RALYL: variants seen among roughly 807,000 people sequenced by gnomAD.
The protein encoded by RALYL is RALY RNA binding protein like, also known as RNA-binding Raly-like protein.
A neutral mutation model predicts 35.1 loss-of-function variants in RALYL; 29 were observed. The observed-to-expected ratio is 0.83, with a 90% CI of 0.61 to 1.13. RALYL has a LOEUF of 1.13. Among genes scored for constraint, RALYL ranks in the 50% most tolerant of loss-of-function variants. RALYL has a pLI of 0.00. For missense variants in RALYL, 359 were observed against 360.4 expected (o/e 1.00, Z 0.03); for synonymous variants, 120 against 127.6 (o/e 0.94, Z 0.40).
At chr8:84,490,693 A>AT (rs1320860911) in intron 1 of RALYL, among the ~76,000 whole-genome samples, 1 of 150,736 alleles carries the variant, frequency 6.6e-6, no homozygotes, top group Non-Finnish European at 1.5e-5. Context: ...AGATGTGGGT[A>AT]TTTTTTTATA....
chr8:84,893,597 C>A (rs559659867), intron 8 of RALYL, among the ~76,000 whole-genome samples: 19 of 152,214 alleles, frequency 1.2e-4, no homozygotes, highest in African/African-American at 4.1e-4. Context: ...TGTTATGGAG[C>A]CTTAGGCTAA....
At chr8:84,201,618 T>C (rs1160585857) in intron 1 of RALYL, among the ~76,000 whole-genome samples, 1 of 151,936 alleles carries the variant, frequency 6.6e-6, no homozygotes, top group East Asian at 1.9e-4. Flanking sequence ...TGGAGTGCAG[T>C]GTGGCATGAT....
chr8:84,603,561 C>T lies in RALYL; in HGVS notation c.256+73984C>T, dbSNP rs149620259. Reference sequence around the variant, plus strand: ...ATTTCACTTGGCTTCACAGTCACACCGTGAGGCTTACCTCCTGCCCACTGT... The same window carrying T: ...ATTTCACTTGGCTTCACAGTCACACTGTGAGGCTTACCTCCTGCCCACTGT... On this transcript the variant is annotated intron_variant, in intron 2 of 8. Transcript: ENST00000521268. 1.1e-4 allele frequency among the ~76,000 whole-genome samples: 16 copies of T among 152,086 alleles called. No homozygotes were observed. The South Asian group carries it at 1.9e-3, about 18-fold the overall frequency.
At chr8:84,533,128 C>T (rs2059379056) in intron 2 of RALYL, among the ~76,000 whole-genome samples, 1 of 151,918 alleles carries the variant, frequency 6.6e-6, no homozygotes, top group Non-Finnish European at 1.5e-5. Flanking sequence ...AACTTTACGT[C>T]TATATTTGGT....
chr8:84,748,237 T>C (rs1026128310), intron 2 of RALYL, among the ~76,000 whole-genome samples: 11 of 151,968 alleles, frequency 7.2e-5, no homozygotes, highest in South Asian at 2.1e-4. Flanking sequence ...AAGCATATAT[T>C]TGAAGGTAGG....
intron 2 of RALYL, among the ~76,000 whole-genome samples, chr8:84,680,700 G>A (rs1228942242): frequency 6.7e-6 from 1 of 150,208 alleles, no homozygotes; most frequent in African/African-American, 2.5e-5. Context: ...GGGGTTGTTT[G>A]TTTTTTTTCT....
chr8:84,705,908 T>C (rs1379097627), intron 2 of RALYL: 40 of 1,484,720 alleles, frequency 2.7e-5, no homozygotes, highest in Non-Finnish European at 3.4e-5. Flanking sequence ...CACTGTGTGA[T>C]TGCTGGTTAC....
intron 1 of RALYL, among the ~76,000 whole-genome samples, chr8:84,352,359 G>A (rs1586535205): frequency 6.7e-6 from 1 of 150,220 alleles, no homozygotes; most frequent in East Asian, 1.9e-4. Context: ...CAAGAGATAT[G>A]GAAATTAAAA....
At chr8:84,736,433 T>G (rs1197517891) in intron 2 of RALYL, among the ~76,000 whole-genome samples, 1 of 152,118 alleles carries the variant, frequency 6.6e-6, no homozygotes, top group East Asian at 1.9e-4. Context: ...ACTTTAGTGG[T>G]ACCTGTGTGT....
intron 2 of RALYL, among the ~76,000 whole-genome samples, chr8:84,664,520 T>C (rs1166535890): frequency 1.3e-5 from 2 of 152,088 alleles, no homozygotes; most frequent in Non-Finnish European, 2.9e-5. Flanking sequence ...AGGTTTGTGG[T>C]TCTCCTTGTA....
At chr8:84,345,662 T>A (rs1849705734) in intron 1 of RALYL, among the ~76,000 whole-genome samples, 1 of 152,084 alleles carries the variant, frequency 6.6e-6, no homozygotes, top group Non-Finnish European at 1.5e-5. Context: ...TTTCTCCCTG[T>A]CTACCTTCCT....
intron 1 of RALYL, among the ~76,000 whole-genome samples, chr8:84,242,223 G>A (rs1033092103): frequency 2.0e-5 from 3 of 152,122 alleles, no homozygotes; most frequent in African/African-American, 7.2e-5. Flanking sequence ...TAGTGCATAT[G>A]TACCACATTT....
At chr8:84,716,060 G>A (rs537554104) in intron 2 of RALYL, among the ~76,000 whole-genome samples, 17 of 152,124 alleles carry the variant, frequency 1.1e-4, no homozygotes, top group East Asian at 9.7e-4. Context: ...CATATTAGAC[G>A]ATTCTTTTGA....
intron 1 of RALYL, among the ~76,000 whole-genome samples, chr8:84,266,820 C>T (rs1833397042): frequency 1.3e-5 from 2 of 151,780 alleles, no homozygotes; most frequent in Admixed American, 6.6e-5. Context: ...ATTAGCCGGG[C>T]GTGGTAGCGG....
intron 1 of RALYL, among the ~76,000 whole-genome samples, chr8:84,338,342 C>G (rs892920848): frequency 3.3e-4 from 50 of 151,114 alleles, no homozygotes; most frequent in African/African-American, 1.1e-3. Flanking sequence ...ATTAATTGTA[C>G]TAGGGACATG....
At chr8:84,366,678 G>A (rs1854342944) in intron 1 of RALYL, among the ~76,000 whole-genome samples, 2 of 142,866 alleles carry the variant, frequency 1.4e-5, no homozygotes, top group South Asian at 4.4e-4. Context: ...GGGAGGCTGA[G>A]GCAAGAGAAT....
At chr8:84,386,163 A>G (rs1275113996) in intron 1 of RALYL, among the ~76,000 whole-genome samples, 1 of 151,840 alleles carries the variant, frequency 6.6e-6, no homozygotes. Context: ...TATAATTGCC[A>G]GAAGTCCAAA....
intron 1 of RALYL, among the ~76,000 whole-genome samples, chr8:84,416,336 A>C (rs1254389457): frequency 1.3e-5 from 2 of 152,212 alleles, no homozygotes; most frequent in Non-Finnish European, 2.9e-5. Flanking sequence ...TGGTGAGTGC[A>C]ATAATCCAGG....
chr8:84,664,756 A>T (rs1288838041), intron 2 of RALYL, among the ~76,000 whole-genome samples: 1 of 152,038 alleles, frequency 6.6e-6, no homozygotes, highest in Non-Finnish European at 1.5e-5. Context: ...TAGATATAGG[A>T]TCGTGTCATC....
Sources: allele counts gnomAD v4.1 joint callset (sites outside exome capture counted in the v4.1 genomes callset), GRCh38; gene constraint gnomAD v4.1.1; transcripts MANE v1.5; gene names NCBI Gene and HGNC (gene_info 2026-07-23, HGNC 2026-07-21).